The following NUMB variants were observed in gnomAD, a reference collection of about 807,000 sequenced individuals.
NUMB encodes NUMB endocytic adaptor protein.
A neutral mutation model predicts 59.7 loss-of-function variants in NUMB; 29 were observed. That is an observed-to-expected ratio of 0.49 (90% confidence interval 0.36 to 0.66). NUMB has a LOEUF of 0.66. Ranked by LOEUF, NUMB falls within the 30% of genes least tolerant of loss-of-function variation. NUMB has a pLI of 0.00. For missense variants in NUMB, 723 were observed against 822.0 expected, an observed-to-expected ratio of 0.88 and a Z score of 1.47; for synonymous variants, 288 against 288.2, an observed-to-expected ratio of 1.00 and a Z score of 0.01.
At chr14:73,381,046 T>C (rs113064520) in intron 2 of NUMB, among the ~76,000 whole-genome samples, 255 of 152,300 alleles carry the variant, frequency 1.7e-3, no homozygotes, top group African/African-American at 6.0e-3. Context: ...TTAATTCTTC[T>C]ATTATCACTT....
chr14:73,445,381 A>AAAAAAAAAAAAAAAAAAAAAAAAAC (rs1206147366), intron 1 of NUMB, among the ~76,000 whole-genome samples: 2 of 129,790 alleles, frequency 1.5e-5, no homozygotes, highest in Non-Finnish European at 3.3e-5. Context: ...AAAAAAAAAA[A>AAAAAAAAAAAAAAAAAAAAAAAAAC]AAAAAAAAAA....
At chr14:73,407,170 A>G (rs906518732) in intron 2 of NUMB, among the ~76,000 whole-genome samples, 1 of 151,984 alleles carries the variant, frequency 6.6e-6, no homozygotes, top group Non-Finnish European at 1.5e-5. Context: ...GCAAAAAAAA[A>G]ACAAAAAAAA....
At chr14:73,389,988 G>A (rs190490036) in intron 2 of NUMB, among the ~76,000 whole-genome samples, 12 of 152,244 alleles carry the variant, frequency 7.9e-5, no homozygotes, top group Admixed American at 7.2e-4. Context: ...CATAACCCAT[G>A]TTAGGAAAAC....
chr14:73,367,346 TATAGAGAGAG>T (rs1178846910), intron 2 of NUMB, among the ~76,000 whole-genome samples: 1 of 91,266 alleles, frequency 1.1e-5, no homozygotes, highest in Non-Finnish European at 1.9e-5. Flanking sequence ...TATATATATA[TATAGAGAGAG>T]AGAGAGAGAG....
intron 4 of NUMB, among the ~76,000 whole-genome samples, chr14:73,353,085 T>TTG (rs1893542000): frequency 9.2e-6 from 1 of 108,864 alleles, no homozygotes; most frequent in African/African-American, 3.4e-5. Flanking sequence ...TTTTTTTTTT[T>TTG]TTTTTTTTTT....
chr14:73,280,989 C>T (rs1888597260), intron 11 of NUMB, among the ~76,000 whole-genome samples: 1 of 152,014 alleles, frequency 6.6e-6, no homozygotes, highest in Non-Finnish European at 1.5e-5. Flanking sequence ...CGCACCCAGC[C>T]GGTGTTGGTA....
chr14:73,276,522 C>T lies in NUMB; in HGVS notation c.*56G>A. 5 of 1,418,610 alleles carry T rather than the reference C, an allele frequency of 3.5e-6. No individual in the cohort carries two copies. The highest frequency in any genetic ancestry group is 4.9e-6 in the Non-Finnish European group (5 of 1,027,172). 87.9% of individuals were successfully genotyped at this position (1,418,610 alleles called of 1,614,324 possible). A position where few individuals can be genotyped will look rare whatever the true frequency, so the allele number is the denominator to read the frequency against. Reference sequence around the variant, plus strand: ...GACAAAGTCTGTTTTGCTCCTTTGACCGCTACCCCCTGCTCCCTGTCTGGT... The same window carrying T: ...GACAAAGTCTGTTTTGCTCCTTTGATCGCTACCCCCTGCTCCCTGTCTGGT... On this transcript the variant is annotated 3_prime_UTR_variant, in exon 13 of 13. Coordinates refer to ENST00000555238, the MANE Select transcript of NUMB (RefSeq NM_001005743.2).
intron 6 of NUMB, among the ~76,000 whole-genome samples, chr14:73,314,229 A>G (rs1890952440): frequency 6.6e-6 from 1 of 152,212 alleles, no homozygotes; most frequent in Admixed American, 6.5e-5. Context: ...ATACAGCACA[A>G]TGATTAAGAG....
intron 2 of NUMB, among the ~76,000 whole-genome samples, chr14:73,374,117 AC>A: frequency 6.6e-6 from 1 of 152,164 alleles, no homozygotes; most frequent in East Asian, 1.9e-4. Context: ...TGATCCGCCC[AC>A]CTTGGCCTCC....
At chr14:73,379,493 T>C (rs976618796) in intron 2 of NUMB, among the ~76,000 whole-genome samples, 6 of 152,220 alleles carry the variant, frequency 3.9e-5, no homozygotes, top group South Asian at 2.1e-4. Flanking sequence ...ATACATAATA[T>C]GTTGAGACAT....
At chr14:73,329,819 T>C (rs532860843) in intron 4 of NUMB, among the ~76,000 whole-genome samples, 209 of 152,298 alleles carry the variant, frequency 1.4e-3, no homozygotes, top group African/African-American at 4.7e-3. Flanking sequence ...AGTAGTGTTG[T>C]TTCAAGAATT....
chr14:73,396,948 C>A (rs958222568), intron 2 of NUMB, among the ~76,000 whole-genome samples: 1 of 152,060 alleles, frequency 6.6e-6, no homozygotes, highest in Non-Finnish European at 1.5e-5. Context: ...CACGGTGAAA[C>A]CCTGTCTCTA....
intron 8 of NUMB, among the ~76,000 whole-genome samples, chr14:73,289,128 G>C (rs141543421): frequency 6.6e-6 from 1 of 151,512 alleles, no homozygotes; most frequent in Admixed American, 6.6e-5. Context: ...ATGGCCCTCC[G>C]TGCTTTTAGG....
intron 6 of NUMB, chr14:73,299,027 G>A (rs1889952517): frequency 6.6e-6 from 1 of 152,234 alleles, no homozygotes; most frequent in South Asian, 2.1e-4. Context: ...ACTGAACTGG[G>A]TGCTGGAATA....
intron 4 of NUMB, among the ~76,000 whole-genome samples, chr14:73,349,908 A>G (rs1382557293): frequency 1.3e-5 from 2 of 151,744 alleles, no homozygotes; most frequent in Admixed American, 6.6e-5. Context: ...AAAAAAAACT[A>G]GCTGGGCATG....
chr14:73,403,874 C>T (rs1354148158), intron 2 of NUMB, among the ~76,000 whole-genome samples: 1 of 151,974 alleles, frequency 6.6e-6, no homozygotes, highest in African/African-American at 2.4e-5. Context: ...GCGGGCGGAT[C>T]ATGAGGTCAG....
chr14:73,378,933 G>C (rs977462053), intron 2 of NUMB, among the ~76,000 whole-genome samples: 2 of 152,196 alleles, frequency 1.3e-5, no homozygotes, highest in Non-Finnish European at 2.9e-5. Context: ...GAAGTTGATA[G>C]TGGGGAGGTT....
Position 73,287,262 on chromosome 14 carries a change from C to A in NUMB, c.503G>T (p.Arg168Leu), listed in dbSNP as rs750470263. 1.2e-6 allele frequency: 2 copies of A among 1,613,694 alleles called. No homozygotes were observed. Among genetic ancestry groups the A allele is most frequent in the South Asian group, 2.2e-5 (2 of 91,060 alleles). ...VGCAFAACLE[R>L]KQKREKECGV... ...ACATTCCTTCTCCCGCTTCTGCTTG[C>A]GCTCTAAACAGGCTGCAAAAGCACA... Residue 168 changes from arginine to leucine, a missense_variant, in exon 9 of 13, where the codon CGC (arginine) becomes CTC (leucine). By Grantham distance (102) the Arg-to-Leu change is moderately radical (BLOSUM62 -2). Coordinates refer to ENST00000555238, the MANE Select transcript of NUMB (RefSeq NM_001005743.2).
rs1173891358 is a variant in NUMB, at chr14:73,309,609, G to A, written c.234+6781C>T. ...AAGGGGACAAATACCTAACACATGC[G>A]GGGTTTAAAACCTAGATGACAGGTT... On this transcript the variant is annotated intron_variant, in intron 6 of 12. Coordinates refer to ENST00000555238, the MANE Select transcript of NUMB (RefSeq NM_001005743.2). Among the ~76,000 whole-genome samples the A allele has an allele frequency of 4.0e-5, 6 of 151,714 alleles. No homozygotes were observed. In the East Asian group the frequency reaches 7.7e-4, roughly 19 times the overall value.
Sources: gnomAD v4.1 joint callset for allele counts (sites outside exome capture counted in the v4.1 genomes callset) on GRCh38, gnomAD v4.1.1 for gene constraint, MANE v1.5 for transcripts, NCBI Gene and HGNC (gene_info 2026-07-23, HGNC 2026-07-21) for gene names.